TINAG: variants seen among roughly 807,000 people sequenced by gnomAD.
The protein encoded by TINAG is tubulointerstitial nephritis antigen.
A neutral mutation model predicts 72.7 loss-of-function variants in TINAG; 83 were observed. The observed-to-expected ratio is 1.14, with a 90% CI of 0.96 to 1.37. The LOEUF is 1.37. Among genes scored for constraint, TINAG ranks in the 40% most tolerant of loss-of-function variants. TINAG has a pLI of 0.00. For missense variants in TINAG, 685 were observed against 576.6 expected (o/e 1.19, Z -1.93); for synonymous variants, 234 against 189.9 (o/e 1.23, Z -1.91).
rs367589991 is a variant in TINAG, at chr6:54,360,230, A to AT, written c.1250+5597dup. Among the ~76,000 whole-genome samples the AT allele has an allele frequency of 6.6e-4, 96 of 146,550 alleles. 2 individuals are homozygous for AT. Among genetic ancestry groups the AT allele is most frequent in the East Asian group, 2.7e-3 (14 of 5,114 alleles). On this transcript the variant is annotated intron_variant, in intron 9 of 10. Transcript: ENST00000259782. ...ACATATATTTGCTCCTAGTAGCCTT[A>AT]TTTCCCCCCTCTCTCTTCCCTTTCA...
At chr6:54,385,879 ATTT>A (rs557831982) in intron 10 of TINAG, among the ~76,000 whole-genome samples, 5 of 80,756 alleles carry the variant, frequency 6.2e-5, no homozygotes, top group Non-Finnish European at 9.2e-5. Flanking sequence ...AAAAAACATG[ATTT>A]TTTTTTTTTT....
Position 54,308,814 on chromosome 6 carries a change from C to T in TINAG, c.264C>T (p.Asp88=). ...NALCYCDKFC[D]RENSDCCPDY... is the part of the protein sequence containing the mutation. ...TGTGCTACTGTGATAAATTCTGTGA[C>T]AGAGAAAATTCTGATTGCTGTCCTG... Residue 88 remains aspartate, a synonymous_variant, in exon 1 of 11, where the codon GAC becomes GAT. Transcript: ENST00000259782. 1.2e-6 allele frequency: 2 copies of T among 1,613,786 alleles called. No homozygotes were observed. The highest frequency in any genetic ancestry group is 1.3e-5 in the African/African-American group (1 of 74,980).
intron 10 of TINAG, among the ~76,000 whole-genome samples, chr6:54,381,529 A>G (rs1763949493): frequency 6.6e-6 from 1 of 152,000 alleles, no homozygotes; most frequent in Non-Finnish European, 1.5e-5. Context: ...ACAGAATTCA[A>G]TCACCCAATT....
At chr6:54,341,575 A>G (rs1293745040) in intron 4 of TINAG, among the ~76,000 whole-genome samples, 1 of 152,150 alleles carries the variant, frequency 6.6e-6, no homozygotes, top group Non-Finnish European at 1.5e-5. Flanking sequence ...ATTAAAATAC[A>G]AATTTATAAA....
In TINAG at chr6:54,389,979, G is replaced by T; in HGVS notation, c.*54G>T. ...CCTTTAAGTAACCCCCTAAATTGAA[G>T]TTTAGCAATATGACATTCTTGGTGA... On this transcript the variant is annotated 3_prime_UTR_variant, in exon 11 of 11. Coordinates refer to ENST00000259782, the MANE Select transcript of TINAG (RefSeq NM_014464.4). 1 of 1,580,392 alleles carries T rather than the reference G, an allele frequency of 6.3e-7. No homozygotes were observed. Among genetic ancestry groups the T allele is most frequent in the East Asian group, 2.3e-5 (1 of 43,926 alleles).
chr6:54,355,198 G>C (rs1762996044), intron 9 of TINAG, among the ~76,000 whole-genome samples: 1 of 151,900 alleles, frequency 6.6e-6, no homozygotes, highest in Non-Finnish European at 1.5e-5. Context: ...TACTCTGAAA[G>C]ACAGTGTGGT....
At chr6:54,313,909 C>A (rs947738766) in intron 1 of TINAG, among the ~76,000 whole-genome samples, 1 of 151,970 alleles carries the variant, frequency 6.6e-6, no homozygotes, top group Non-Finnish European at 1.5e-5. Flanking sequence ...GGAATATCAA[C>A]AGGAGTAATC....
chr6:54,358,126 T>G (rs559674003), intron 9 of TINAG, among the ~76,000 whole-genome samples: 114 of 151,924 alleles, frequency 7.5e-4, no homozygotes, highest in African/African-American at 2.7e-3. Flanking sequence ...AGTTCCTTAG[T>G]GTCTGTGTCT....
Position 54,389,757 on chromosome 6 carries a change from T to C in TINAG, c.1297-34T>C. ...TTTTTTAAAAAATACCAAAGTATGT[T>C]TCTCAACTTTTTTGTTTGTTTGTTT... On this transcript the variant is annotated intron_variant, in intron 10 of 10. Coordinates refer to ENST00000259782, the MANE Select transcript of TINAG (RefSeq NM_014464.4). 3.2e-6 allele frequency: 5 copies of C among 1,561,780 alleles called. No individual in the cohort carries two copies. In the Middle Eastern group the frequency reaches 8.5e-4, roughly 267 times the overall value.
chr6:54,365,785 C>A (rs1029782665), intron 9 of TINAG, among the ~76,000 whole-genome samples: 3 of 151,468 alleles, frequency 2.0e-5, no homozygotes, highest in Non-Finnish European at 4.4e-5. Flanking sequence ...AGAGAGCTAC[C>A]TTGGTCTGTA....
At chr6:54,374,943 G>A (rs1476522334) in intron 9 of TINAG, among the ~76,000 whole-genome samples, 1 of 151,838 alleles carries the variant, frequency 6.6e-6, no homozygotes, top group Non-Finnish European at 1.5e-5. Flanking sequence ...CACTAATACA[G>A]AGTTTGTCTG....
intron 5 of TINAG, among the ~76,000 whole-genome samples, chr6:54,345,192 G>A (rs1462622296): frequency 2.6e-5 from 4 of 152,030 alleles, no homozygotes; most frequent in Admixed American, 6.6e-5. Context: ...GAAGAGAGTG[G>A]AAAACAATTG....
In TINAG at chr6:54,363,637, A is replaced by T. The variant is rs566229924; in HGVS notation, c.1250+9001A>T. On this transcript the variant is annotated intron_variant, in intron 9 of 10. Coordinates refer to ENST00000259782, the MANE Select transcript of TINAG (RefSeq NM_014464.4). ...CGGGTATCAAAAAAAAAAAAAAAAC[A>T]GGCAGATTTACTGATCTCACAGGAG... 5.4e-5 allele frequency among the ~76,000 whole-genome samples: 8 copies of T among 148,014 alleles called. No individual in the cohort carries two copies. In the East Asian group the frequency reaches 1.6e-3, roughly 29 times the overall value.
At chr6:54,382,908 C>T (rs1243298922) in intron 10 of TINAG, among the ~76,000 whole-genome samples, 1 of 152,108 alleles carries the variant, frequency 6.6e-6, no homozygotes, top group African/African-American at 2.4e-5. Context: ...AGGAACCTAT[C>T]TTCTCACCAT....
Position 54,325,113 on chromosome 6 carries a change from TC to T in TINAG, c.510-1688del, listed in dbSNP as rs747949995. 1.4e-4 allele frequency among the ~76,000 whole-genome samples: 21 copies of T among 152,346 alleles called. No homozygotes were observed. The East Asian group carries it at 4.0e-3, about 29-fold the overall frequency. ...AAATGCTCTCTTCTTTCATGTCTGG[TC>T]ACCAAGGTCATTCTCATCCTTCCAG... On this transcript the variant is annotated intron_variant, in intron 3 of 10. Transcript: ENST00000259782.
intron 2 of TINAG, 46 bp from the exon 3 acceptor site, chr6:54,321,251 A>G (rs1784483188): frequency 2.2e-6 from 3 of 1,378,186 alleles, no homozygotes; most frequent in Non-Finnish European, 3.1e-6. Flanking sequence ...ATTGAAATAT[A>G]CTTCATAAAG....
chr6:54,310,950 T>C (rs1206244524), intron 1 of TINAG, among the ~76,000 whole-genome samples: 1 of 151,106 alleles, frequency 6.6e-6, no homozygotes, highest in Non-Finnish European at 1.5e-5. Flanking sequence ...TTTTTCTCTC[T>C]CTTTCTCTTC....
intron 1 of TINAG, among the ~76,000 whole-genome samples, chr6:54,309,217 C>T (rs1176529597): frequency 6.6e-6 from 1 of 152,194 alleles, no homozygotes; most frequent in South Asian, 2.1e-4. Context: ...TCTGTTCTCT[C>T]TCTCTCTTCT....
chr6:54,358,547 A>C (rs1763129650), intron 9 of TINAG, among the ~76,000 whole-genome samples: 2 of 151,820 alleles, frequency 1.3e-5, no homozygotes, highest in East Asian at 3.9e-4. Context: ...AAAAAAAAAA[A>C]AAAAGATTAG....
Sources: gnomAD v4.1 joint callset for allele counts (sites outside exome capture counted in the v4.1 genomes callset) on GRCh38, gnomAD v4.1.1 for gene constraint, MANE v1.5 for transcripts, NCBI Gene and HGNC (gene_info 2026-07-23, HGNC 2026-07-21) for gene names.